The following NTRK3 variants were observed in gnomAD, a reference collection of about 807,000 sequenced individuals.
NTRK3 encodes the protein neurotrophic receptor tyrosine kinase 3.
In NTRK3, 24 loss-of-function variants were observed where a neutral mutation model predicts 91.7. That is an observed-to-expected ratio of 0.26 (90% CI 0.19 to 0.37). The LOEUF is 0.37. Among genes scored for constraint, NTRK3 ranks in the 10% least tolerant of loss-of-function variants. The pLI, the probability that NTRK3 is intolerant of heterozygous loss-of-function variation, is 1.00. For missense variants in NTRK3, 880 were observed against 1,068.9 expected (o/e 0.82, Z 2.46); for synonymous variants, 483 against 404.0 (o/e 1.20, Z -2.34).
chr15:88,081,014 G>A (rs1002073615), intron 13 of NTRK3, among the ~76,000 whole-genome samples: 6 of 152,234 alleles, frequency 3.9e-5, no homozygotes, highest in East Asian at 1.9e-4. Flanking sequence ...TGCACTAAGC[G>A]GAGAGAGGCT....
chr15:88,061,141 T>C (rs150665150), intron 13 of NTRK3, among the ~76,000 whole-genome samples: 133 of 152,278 alleles, frequency 8.7e-4, no homozygotes, highest in African/African-American at 3.1e-3. Context: ...AGGTAATAAC[T>C]TGTTTGCCAA....
chr15:88,201,763 C>T (rs561563186), intron 3 of NTRK3, among the ~76,000 whole-genome samples: 29 of 152,140 alleles, frequency 1.9e-4, no homozygotes, highest in Non-Finnish European at 4.0e-4. Flanking sequence ...GGCCAGGCCA[C>T]CATGATGTTG....
chr15:88,168,382 G>A (rs767648550), intron 5 of NTRK3, among the ~76,000 whole-genome samples: 6 of 152,144 alleles, frequency 3.9e-5, no homozygotes, highest in Non-Finnish European at 5.9e-5. Context: ...GGAAGGGAAG[G>A]GAGGAGTACA....
intron 18 of NTRK3, among the ~76,000 whole-genome samples, chr15:87,879,414 A>T (rs1475758139): frequency 6.6e-6 from 1 of 152,202 alleles, no homozygotes; most frequent in Non-Finnish European, 1.5e-5. Context: ...GGCATGGTCC[A>T]TGCATCACTG....
At chr15:87,952,829 GGCACCCCC>G (rs2071271138) in intron 14 of NTRK3, among the ~76,000 whole-genome samples, 1 of 152,044 alleles carries the variant, frequency 6.6e-6, no homozygotes, top group Non-Finnish European at 1.5e-5. Flanking sequence ...GCTTCTGCCA[GGCACCCCC>G]GCCTTTCCTG....
intron 16 of NTRK3, among the ~76,000 whole-genome samples, chr15:87,931,998 G>A (rs1205820503): frequency 6.6e-6 from 1 of 152,190 alleles, no homozygotes; most frequent in Non-Finnish European, 1.5e-5. Context: ...TGCTTCCTGG[G>A]GCCTTGGGTT....
chr15:88,080,865 A>T (rs1385711560), intron 13 of NTRK3, among the ~76,000 whole-genome samples: 1 of 152,236 alleles, frequency 6.6e-6, no homozygotes, highest in African/African-American at 2.4e-5. Context: ...GAAGGAAGGA[A>T]AGTGGGCACA....
chr15:88,249,118 C>T (rs566159446), intron 3 of NTRK3, among the ~76,000 whole-genome samples: 1 of 152,236 alleles, frequency 6.6e-6, no homozygotes, highest in South Asian at 2.1e-4. Flanking sequence ...AATCCTGAAT[C>T]TCCCACCACC....
At chr15:88,111,464 G>A (rs1028782291) in intron 13 of NTRK3, among the ~76,000 whole-genome samples, 1 of 152,198 alleles carries the variant, frequency 6.6e-6, no homozygotes, top group Non-Finnish European at 1.5e-5. Context: ...ACTGATAAGA[G>A]GACAGTATGA....
At chr15:88,211,991 G>C (rs2049287690) in intron 3 of NTRK3, among the ~76,000 whole-genome samples, 3 of 152,140 alleles carry the variant, frequency 2.0e-5, no homozygotes, top group African/African-American at 7.2e-5. Context: ...ATACAGCCCA[G>C]ATACATTGCT....
chr15:88,188,360 T>C (rs1457063362), intron 3 of NTRK3, among the ~76,000 whole-genome samples: 1 of 152,246 alleles, frequency 6.6e-6, no homozygotes, highest in Non-Finnish European at 1.5e-5. Flanking sequence ...TGACAATATC[T>C]GGACACATTT....
chr15:88,118,860 G>A (rs148127246), intron 13 of NTRK3, among the ~76,000 whole-genome samples: 29 of 152,292 alleles, frequency 1.9e-4, no homozygotes, highest in African/African-American at 5.5e-4. Context: ...GCAACAACAC[G>A]AGTCAGTAAG....
intron 17 of NTRK3, among the ~76,000 whole-genome samples, chr15:87,898,206 T>C (rs1428279340): frequency 1.3e-5 from 2 of 152,188 alleles, no homozygotes; most frequent in East Asian, 3.8e-4. Flanking sequence ...AATGAGACAA[T>C]AATCCCAAAT....
At chr15:88,033,384 CA>C in intron 13 of NTRK3, among the ~76,000 whole-genome samples, 1 of 150,978 alleles carries the variant, frequency 6.6e-6, no homozygotes, top group African/African-American at 2.4e-5. Context: ...CATCTTGGCT[CA>C]CTGCAACCTC....
intron 14 of NTRK3, among the ~76,000 whole-genome samples, chr15:88,030,317 C>G (rs1261117937): frequency 6.6e-6 from 1 of 152,168 alleles, no homozygotes; most frequent in South Asian, 2.1e-4. Flanking sequence ...CATGGTTTGC[C>G]TAGTGGGATG....
intron 14 of NTRK3, among the ~76,000 whole-genome samples, chr15:88,015,724 A>G (rs1356216105): frequency 6.6e-6 from 1 of 152,086 alleles, no homozygotes; most frequent in Admixed American, 6.6e-5. Context: ...GCCTCACTGC[A>G]TTGACTCTGC....
At chr15:87,989,526 T>G (rs552503298) in intron 14 of NTRK3, among the ~76,000 whole-genome samples, 1 of 152,046 alleles carries the variant, frequency 6.6e-6, no homozygotes, top group South Asian at 2.1e-4. Flanking sequence ...GGGGGAGGAA[T>G]AGCATTAGGA....
chr15:87,924,011 T>C (rs763576300), intron 17 of NTRK3, among the ~76,000 whole-genome samples: 1 of 152,160 alleles, frequency 6.6e-6, no homozygotes, highest in Non-Finnish European at 1.5e-5. Context: ...AAATTACCCA[T>C]TCTGTGGTAT....
chr15:87,864,737 A>G (rs373101043), exon 19 of NTRK3: 1 of 229,452 alleles, frequency 4.4e-6, no homozygotes, highest in East Asian at 6.2e-5. Context: ...CTTCTAAAAA[A>G]CAGACACCAG....
Sources: gnomAD v4.1 joint callset for allele counts (sites outside exome capture counted in the v4.1 genomes callset) on GRCh38, gnomAD v4.1.1 for gene constraint, MANE v1.5 for transcripts, NCBI Gene and HGNC (gene_info 2026-07-23, HGNC 2026-07-21) for gene names.